Variants in CLVS1 observed in about 807,000 individuals in gnomAD.
The protein encoded by CLVS1 is clavesin 1.
Under a neutral mutation model 33.1 loss-of-function variants are expected in CLVS1, and 10 were observed. The observed-to-expected ratio is 0.30, with a 90% CI of 0.19 to 0.51. The LOEUF (loss-of-function observed/expected upper bound fraction) is 0.51. Among genes scored for constraint, CLVS1 ranks in the 20% least tolerant of loss-of-function variants. The pLI, the probability that CLVS1 is intolerant of heterozygous loss-of-function variation, is 0.97. For synonymous variants in CLVS1, 163 were observed against 166.1 expected, an observed-to-expected ratio of 0.98 and a Z score of 0.14; for missense variants, 343 against 433.4, an observed-to-expected ratio of 0.79 and a Z score of 1.85.
intron 2 of CLVS1, among the ~76,000 whole-genome samples, chr8:61,345,096 G>A (rs1216579125): frequency 2.0e-5 from 3 of 152,050 alleles, no homozygotes; most frequent in Admixed American, 6.6e-5. Flanking sequence ...TATGTTCAAG[G>A]TTTTAATAAA....
At chr8:61,140,706 C>T (rs1292807659) in intron 2 of CLVS1, among the ~76,000 whole-genome samples, 1 of 152,038 alleles carries the variant, frequency 6.6e-6, no homozygotes, top group Non-Finnish European at 1.5e-5. Flanking sequence ...GGGACTAAGG[C>T]GCCTGCCACC....
At chr8:61,049,655 A>G in the CLVS1 span, among the ~76,000 whole-genome samples, 83 of 152,354 alleles carry the variant, frequency 5.4e-4, 1 homozygote, top group African/African-American at 2.0e-3. Context: ...CCAAAGACAC[A>G]TAGATAGAGG....
chr8:61,372,105 A>C (rs1247668815), intron 2 of CLVS1, among the ~76,000 whole-genome samples: 1 of 152,168 alleles, frequency 6.6e-6, no homozygotes, highest in Non-Finnish European at 1.5e-5. Context: ...GTAAATATCC[A>C]TTTGTCATGT....
At chr8:61,220,882 T>C (rs1386264761) in intron 2 of CLVS1, among the ~76,000 whole-genome samples, 1 of 152,190 alleles carries the variant, frequency 6.6e-6, no homozygotes, top group Admixed American at 6.5e-5. Flanking sequence ...TCACGTCCCT[T>C]GTTAGCCGTA....
chr8:61,032,976 GGAAGGAAGGAAGGAAGGAAA>G, the CLVS1 span, among the ~76,000 whole-genome samples: 2 of 68,374 alleles, frequency 2.9e-5, no homozygotes, highest in East Asian at 4.8e-4. Flanking sequence ...AAGGAAGGAA[GGAAGGAAGGAAGGAAGGAAA>G]GAAAGAAAGA....
rs193102654 is a variant in CLVS1 at position 61,146,674 on chromosome 8, A to G, written c.-152+14814A>G. Among the ~76,000 whole-genome samples, 23 of 152,382 alleles carry G rather than the reference A, an allele frequency of 1.5e-4. No individual in the cohort carries two copies. The East Asian group carries it at 3.1e-3, about 20-fold the overall frequency. On this transcript the variant is annotated intron_variant, in intron 2 of 2. Coordinates refer to the CLVS1 transcript ENST00000522621. ...AGATATTAGTTCTTGGCCTAATAAC[A>G]TATGGCACAGAATCAGCAAAGAAGA...
At chr8:61,031,501 A>T in the CLVS1 span, among the ~76,000 whole-genome samples, 1 of 152,240 alleles carries the variant, frequency 6.6e-6, no homozygotes, top group Non-Finnish European at 1.5e-5. Flanking sequence ...GCACTGTAAA[A>T]GTGAAAAGCA....
At chr8:61,040,314 T>G in the CLVS1 span, among the ~76,000 whole-genome samples, 2 of 152,220 alleles carry the variant, frequency 1.3e-5, no homozygotes, top group Non-Finnish European at 2.9e-5. Context: ...TATTCATGCA[T>G]GTGTAGAACA....
intron 2 of CLVS1, among the ~76,000 whole-genome samples, chr8:61,310,363 G>A (rs1480364869): frequency 1.3e-5 from 2 of 152,198 alleles, no homozygotes; most frequent in African/African-American, 4.8e-5. Flanking sequence ...GAGAGGTTAG[G>A]TGATCTGTCC....
intron 2 of CLVS1, among the ~76,000 whole-genome samples, chr8:61,360,623 G>C (rs2129599947): frequency 6.6e-6 from 1 of 152,290 alleles, no homozygotes; most frequent in Non-Finnish European, 1.5e-5. Context: ...TTTCTGTTTT[G>C]TTAGATTTCA....
intron 2 of CLVS1, among the ~76,000 whole-genome samples, chr8:61,256,373 C>T (rs759938706): frequency 1.3e-5 from 2 of 152,128 alleles, no homozygotes; most frequent in East Asian, 1.9e-4. Flanking sequence ...ATTAGCCGGG[C>T]GTGGTGGCAG....
At chr8:61,277,760 A>C (rs561393767) in intron 2 of CLVS1, among the ~76,000 whole-genome samples, 1 of 152,324 alleles carries the variant, frequency 6.6e-6, no homozygotes, top group East Asian at 1.9e-4. Context: ...TCTCAATTGG[A>C]ATTAACCCCT....
chr8:61,143,062 G>C (rs1806339183), intron 2 of CLVS1, among the ~76,000 whole-genome samples: 1 of 152,108 alleles, frequency 6.6e-6, no homozygotes, highest in Admixed American at 6.5e-5. Context: ...ACTTTGCTTT[G>C]TATGTGATCA....
At chr8:61,060,738 CTTCTTTCAAGAAATAAATTGAGGTTT>C (rs1407034291) in intron 1 of CLVS1, among the ~76,000 whole-genome samples, 5 of 152,118 alleles carry the variant, frequency 3.3e-5, no homozygotes, top group Non-Finnish European at 7.3e-5. Context: ...AACTAATTTA[CTTCTTTCAAGAAATAAATTGAGGTTT>C]ACAGATGAGA....
chr8:61,435,868 A>G (rs1816313457), intron 3 of CLVS1, among the ~76,000 whole-genome samples: 1 of 152,230 alleles, frequency 6.6e-6, no homozygotes, highest in Non-Finnish European at 1.5e-5. Flanking sequence ...GGCAAGTTTC[A>G]TAAATTCTTG....
At chr8:61,458,691 A>C in intron 5 of CLVS1, 149 bp downstream of exon 5, 1 of 601,248 alleles carries the variant, frequency 1.7e-6, no homozygotes, top group East Asian at 2.9e-5. Context: ...GATTTCACTA[A>C]AACTGAAAAC....
intron 1 of CLVS1, among the ~76,000 whole-genome samples, chr8:61,126,971 A>C (rs1050344015): frequency 6.6e-6 from 1 of 152,150 alleles, no homozygotes; most frequent in Non-Finnish European, 1.5e-5. Context: ...ATGTTCCTCA[A>C]TTGGCCTGGG....
chr8:61,217,560 G>A (rs1307728091), intron 2 of CLVS1, among the ~76,000 whole-genome samples: 1 of 152,064 alleles, frequency 6.6e-6, no homozygotes, highest in Non-Finnish European at 1.5e-5. Context: ...TAAACTGTGG[G>A]CTTGATACTA....
At chr8:61,108,908 C>G (rs1282910432) in intron 1 of CLVS1, among the ~76,000 whole-genome samples, 1 of 152,226 alleles carries the variant, frequency 6.6e-6, no homozygotes, top group Non-Finnish European at 1.5e-5. Context: ...AGTCACATTG[C>G]CTTAAGCAGG....
Sources: gnomAD v4.1 joint callset for allele counts (sites outside exome capture counted in the v4.1 genomes callset) on GRCh38, gnomAD v4.1.1 for gene constraint, MANE v1.5 for transcripts, NCBI Gene and HGNC (gene_info 2026-07-23, HGNC 2026-07-21) for gene names.